KCMF1: variants seen among roughly 807,000 people sequenced by gnomAD.
The protein encoded by KCMF1 is E3 ubiquitin-protein ligase KCMF1.
KCMF1 carries 3 observed loss-of-function variants against 41.1 expected under a neutral mutation model. The ratio of observed to expected loss-of-function variants is 0.07; its 90% CI spans 0.03 to 0.19. KCMF1 has a LOEUF of 0.19. KCMF1 is among the 10% of genes least tolerant of loss of function. The probability of loss-of-function intolerance (pLI) is 1.00; values close to 1 mark genes in which losing one functional copy is unlikely to be tolerated. For synonymous variants in KCMF1, 142 were observed against 164.5 expected, an observed-to-expected ratio of 0.86 and a Z score of 1.04; for missense variants, 286 against 488.9, an observed-to-expected ratio of 0.58 and a Z score of 3.91.
chr2:85,058,764 A>G lies in KCMF1; in HGVS notation c.*5355A>G, dbSNP rs1675999752. On this transcript the variant is annotated 3_prime_UTR_variant, in exon 7 of 7. Transcript: ENST00000409785. ...TCAAGCCGGTTGCGTTTGGTCAGTC[A>G]CGTGACCAATCAGAGCTGGTGAGTG... is the stretch of plus-strand genomic sequence containing the variant. 6.6e-6 allele frequency: 1 copy of G among 152,198 alleles called. No individual in the cohort carries two copies. Among genetic ancestry groups the G allele is most frequent in the Admixed American group, 6.5e-5 (1 of 15,272 alleles). The allele number at this position is 152,198 out of a possible 1,614,324, so 9.4% of individuals were successfully genotyped here. A position where few individuals can be genotyped will look rare whatever the true frequency, so the allele number is the denominator to read the frequency against.
intron 1 of KCMF1, among the ~76,000 whole-genome samples, chr2:85,009,731 T>C (rs942859689): frequency 1.3e-5 from 2 of 152,244 alleles, no homozygotes; most frequent in African/African-American, 2.4e-5. Context: ...CAATAAAATA[T>C]GCACTTTATT....
rs919656049 is a variant in KCMF1, at chr2:85,054,560, G to A, written c.*1151G>A. The A allele has an allele frequency of 6.6e-6, 1 of 151,986 alleles. No individual in the cohort carries two copies. The highest frequency in any genetic ancestry group is 2.4e-5 in the African/African-American group (1 of 41,360). 9.4% of individuals were successfully genotyped at this position (151,986 alleles called of 1,614,324 possible). On this transcript the variant is annotated 3_prime_UTR_variant, in exon 7 of 7. Coordinates refer to ENST00000409785, the MANE Select transcript of KCMF1 (RefSeq NM_020122.5). The stretch of plus-strand genomic sequence containing the variant: ...TATTAATCCTATGTGTAAAAAAAAT[G>A]TACAGCTTTTTTTGGGTTTGTTTTG...
chr2:85,018,039 T>C (rs1009366594), intron 1 of KCMF1, among the ~76,000 whole-genome samples: 1 of 152,156 alleles, frequency 6.6e-6, no homozygotes, highest in African/African-American at 2.4e-5. Flanking sequence ...TTCAGATAGG[T>C]GGTTGTCAGA....
chr2:84,971,477 GC>G lies in KCMF1; in HGVS notation c.16+15del, dbSNP rs1338967790. The G allele has an allele frequency of 9.5e-6, 12 of 1,259,462 alleles. No homozygotes were observed. Among genetic ancestry groups the G allele is most frequent in the Admixed American group, 6.1e-5 (2 of 32,734 alleles). The allele number at this position is 1,259,462 out of a possible 1,614,324, so 78.0% of individuals were successfully genotyped here. A position where few individuals can be genotyped will look rare whatever the true frequency, so the allele number is the denominator to read the frequency against. ...ATGTCCCGACATGAAGGTGAGAGGA[GC>G]CCCCGCCCCCACCCGCACCTCCCGG... On this transcript the variant is annotated intron_variant, in intron 1 of 6. Transcript: ENST00000409785.
chr2:84,979,368 C>CA (rs1213569756), intron 1 of KCMF1, among the ~76,000 whole-genome samples: 3 of 151,646 alleles, frequency 2.0e-5, no homozygotes, highest in East Asian at 1.9e-4. Context: ...ACTAAAAATA[C>CA]AAAAAAATAT....
chr2:85,034,497 GTTGT>G (rs908070569), intron 2 of KCMF1, among the ~76,000 whole-genome samples: 4 of 152,298 alleles, frequency 2.6e-5, no homozygotes, highest in African/African-American at 9.6e-5. Context: ...GGAGGATGGA[GTTGT>G]TTGTCTCGTT....
At position 85,026,782 on chromosome 2, in the gene KCMF1, C is replaced by T. The variant is rs988928569; in HGVS notation, c.17-1107C>T. On this transcript the variant is annotated intron_variant, in intron 1 of 6. Transcript: ENST00000409785. ...GGGATTATAGGTGTTAGCCACCACA[C>T]CCAGTTATTTCTTTTAACAGGTCAA... Among the ~76,000 whole-genome samples, 4 of 152,186 alleles carry T rather than the reference C, an allele frequency of 2.6e-5. No individual in the cohort carries two copies. In the South Asian group the frequency reaches 8.3e-4, roughly 31 times the overall value.
chr2:85,014,345 G>A (rs1390000225), intron 1 of KCMF1, among the ~76,000 whole-genome samples: 3 of 152,014 alleles, frequency 2.0e-5, no homozygotes, highest in African/African-American at 7.2e-5. Context: ...CTACTTCTGG[G>A]GAAAAAAGGA....
chr2:84,984,207 A>AT (rs1255090169), intron 1 of KCMF1, among the ~76,000 whole-genome samples: 1 of 151,926 alleles, frequency 6.6e-6, no homozygotes. Context: ...TCTTCACAAA[A>AT]TAAGTAAATA....
At chr2:84,981,276 G>A (rs1283899463) in intron 1 of KCMF1, among the ~76,000 whole-genome samples, 9 of 150,264 alleles carry the variant, frequency 6.0e-5, no homozygotes, top group African/African-American at 9.8e-5. Context: ...TGCAAGCTCC[G>A]CCTCCCGGGT....
At chr2:85,034,925 A>G (rs1574037114) in intron 2 of KCMF1, 91 bp from the exon 3 acceptor site, 11 of 1,139,828 alleles carry the variant, frequency 9.7e-6, no homozygotes, top group Non-Finnish European at 1.1e-5. Context: ...CCTGGCCCAC[A>G]CTTTCTTTTT....
intron 6 of KCMF1, among the ~76,000 whole-genome samples, 174 bp downstream of exon 6, chr2:85,049,822 A>T: frequency 6.6e-6 from 1 of 152,226 alleles, no homozygotes; most frequent in Admixed American, 6.5e-5. Flanking sequence ...AATGTGAAAC[A>T]TAGTAATTAT....
chr2:84,978,625 T>C (rs1286197826), intron 1 of KCMF1, among the ~76,000 whole-genome samples: 8 of 151,542 alleles, frequency 5.3e-5, no homozygotes, highest in Non-Finnish European at 1.0e-4. Context: ...CGGCTCACTG[T>C]GGCCTCTGTC....
At position 85,059,023 on chromosome 2, in the gene KCMF1, T is replaced by C. The variant is rs1447510618; in HGVS notation, c.*5614T>C. 1 of 152,126 alleles carries C rather than the reference T, an allele frequency of 6.6e-6. No individual in the cohort carries two copies. Among genetic ancestry groups the C allele is most frequent in the Non-Finnish European group, 1.5e-5 (1 of 68,012 alleles). The allele number at this position is 152,126 out of a possible 1,614,324, so 9.4% of individuals were successfully genotyped here. A position where few individuals can be genotyped will look rare whatever the true frequency, so the allele number is the denominator to read the frequency against. On this transcript the variant is annotated 3_prime_UTR_variant, in exon 7 of 7. Coordinates refer to ENST00000409785, the MANE Select transcript of KCMF1 (RefSeq NM_020122.5). ...GGTAAGATTCTATAATACTCCTGTA[T>C]TGGCAAGTGGACTGGACCAACAGAC...
At chr2:84,994,835 A>C (rs1387058839) in intron 1 of KCMF1, among the ~76,000 whole-genome samples, 1 of 152,186 alleles carries the variant, frequency 6.6e-6, no homozygotes, top group African/African-American at 2.4e-5. Flanking sequence ...GGTCCTTTAA[A>C]ATGTCTATTT....
rs1407773652 is a variant in KCMF1, at chr2:85,013,733, AG to A, written c.17-14155del. On this transcript the variant is annotated intron_variant, in intron 1 of 6. Coordinates refer to ENST00000409785, the MANE Select transcript of KCMF1 (RefSeq NM_020122.5). ...GAATCACTTGACCGCGGGAGGCAGA[AG>A]TGTCAGTGAGCCGAGATCACACCAC... Among the ~76,000 whole-genome samples, 3 of 149,766 alleles carry A rather than the reference AG, an allele frequency of 2.0e-5. No homozygotes were observed. The East Asian group carries it at 6.0e-4, about 30-fold the overall frequency.
At chr2:85,001,840 T>C (rs1184901396) in intron 1 of KCMF1, among the ~76,000 whole-genome samples, 2 of 152,222 alleles carry the variant, frequency 1.3e-5, no homozygotes, top group African/African-American at 4.8e-5. Flanking sequence ...GTGAATATCA[T>C]AGTGTACTAA....
At chr2:84,996,429 GA>G (rs937421716) in intron 1 of KCMF1, among the ~76,000 whole-genome samples, 10 of 140,920 alleles carry the variant, frequency 7.1e-5, no homozygotes, top group South Asian at 4.5e-4. Context: ...AATAACCTAA[GA>G]TTTTTTTTTT....
intron 1 of KCMF1, among the ~76,000 whole-genome samples, chr2:84,976,651 A>G (rs1011436021): frequency 1.8e-4 from 27 of 151,910 alleles, no homozygotes; most frequent in Admixed American, 6.6e-5. Context: ...ACAAAAAAAA[A>G]CAAATTGAGA....
Sources: gnomAD v4.1 joint callset for allele counts (sites outside exome capture counted in the v4.1 genomes callset) on GRCh38, gnomAD v4.1.1 for gene constraint, MANE v1.5 for transcripts, NCBI Gene and HGNC (gene_info 2026-07-23, HGNC 2026-07-21) for gene names.